The following PHYHD1 variants were observed in gnomAD, a reference collection of about 807,000 sequenced individuals.
PHYHD1 encodes phytanoyl-CoA dioxygenase domain-containing protein 1.
In PHYHD1, 42 loss-of-function variants were observed where a neutral mutation model predicts 43.6. The observed-to-expected ratio is 0.96, with a 90% CI of 0.75 to 1.25. PHYHD1 has a LOEUF of 1.25. Among genes scored for constraint, PHYHD1 ranks in the 50% most tolerant of loss-of-function variants. PHYHD1 has a pLI of 0.00. For synonymous variants in PHYHD1, 139 were observed against 143.6 expected, an observed-to-expected ratio of 0.97 and a Z score of 0.23; for missense variants, 342 against 370.8, an observed-to-expected ratio of 0.92 and a Z score of 0.64.
chr9:128,932,792 G>C lies in PHYHD1; in HGVS notation c.193-990G>C, dbSNP rs373875577. ...TGGGATTACAGGTGTGAGCCACAGTGCCTGGTTGGTCAGTTCTATTATTAT... is the reference window on the plus strand; with the variant it reads ...TGGGATTACAGGTGTGAGCCACAGTCCCTGGTTGGTCAGTTCTATTATTAT... On this transcript the variant is annotated intron_variant, in intron 4 of 12. Coordinates refer to ENST00000372592, the MANE Select transcript of PHYHD1 (RefSeq NM_001100876.2). Among the ~76,000 whole-genome samples, 32 of 147,660 alleles carry C rather than the reference G, an allele frequency of 2.2e-4. No homozygotes were observed. The East Asian group carries it at 5.9e-3, about 27-fold the overall frequency.
intron 2 of PHYHD1, 111 bp from the exon 3 acceptor site, chr9:128,922,172 G>A: frequency 2.5e-6 from 2 of 813,050 alleles, no homozygotes; most frequent in South Asian, 3.4e-5. Context: ...GGAGGTCACA[G>A]GCTGATCTGG....
At chr9:128,924,192 G>T (rs550736465) in intron 3 of PHYHD1, among the ~76,000 whole-genome samples, 1 of 152,004 alleles carries the variant, frequency 6.6e-6, no homozygotes, top group Admixed American at 6.6e-5. Flanking sequence ...CGAAGTGGGC[G>T]GATCACAAGG....
At chr9:128,921,729 T>C (rs1698830670) in intron 1 of PHYHD1, 61 bp downstream of exon 1, 1 of 152,350 alleles carries the variant, frequency 6.6e-6, no homozygotes, top group Admixed American at 6.5e-5. Flanking sequence ...ATACCCCATG[T>C]CTCCTACTTT....
Position 128,937,770 on chromosome 9 carries a change from G to A in PHYHD1, c.449G>A (p.Gly150Asp). The A allele has an allele frequency of 1.2e-6, 2 of 1,614,036 alleles. No individual in the cohort carries two copies. The highest frequency in any genetic ancestry group is 1.7e-6 in the Non-Finnish European group (2 of 1,180,020). The change falls in exon 9 of 13, where the codon GGC becomes GAC. Residue 150 changes from glycine to aspartate, a missense_variant. Coordinates refer to ENST00000372592, the MANE Select transcript of PHYHD1 (RefSeq NM_001100876.2). ...TCTCTCTTGCAGCAACCTCACTTTG[G>A]CGGTGAAGGTGAGCTGAGAGCTGTG... Reference protein sequence around the residue: ...SMYIFKQPHFGGEVSPHQDAS... With the variant: ...SMYIFKQPHFDGEVSPHQDAS...
intron 6 of PHYHD1, among the ~76,000 whole-genome samples, chr9:128,935,711 G>A (rs1841408738): frequency 6.6e-6 from 1 of 152,172 alleles, no homozygotes; most frequent in South Asian, 2.1e-4. Context: ...AGACCAGCCT[G>A]GCCAATATGG....
intron 12 of PHYHD1, 36 bp downstream of exon 12, chr9:128,941,607 C>A: frequency 6.2e-7 from 1 of 1,614,132 alleles, no homozygotes; most frequent in Non-Finnish European, 8.5e-7. Flanking sequence ...CCCGACAGTC[C>A]CCTGGAGGCT....
chr9:128,922,290 C>G lies in PHYHD1; in HGVS notation c.-34C>G, dbSNP rs1352099338. The stretch of plus-strand genomic sequence containing the variant: ...CTTTCTCCTCCCCACCAGGAGGCCG[C>G]GCTTAGAAGCCGCCCAGTGCCCTGA... On this transcript the variant is annotated 5_prime_UTR_variant, in exon 3 of 13. Transcript: ENST00000372592. 4 of 1,550,584 alleles carry G rather than the reference C, an allele frequency of 2.6e-6. No individual in the cohort carries two copies. The highest frequency in any genetic ancestry group is 2.0e-5 in the Admixed American group (1 of 50,862).
chr9:128,926,819 G>C (rs1166620453), intron 3 of PHYHD1: 2 of 655,244 alleles, frequency 3.1e-6, no homozygotes, highest in South Asian at 1.5e-5. Flanking sequence ...GCTGGGATTA[G>C]AGGCATGAGC....
In PHYHD1 at chr9:128,941,737, TCG is replaced by T. The variant is rs1841569452; in HGVS notation, c.*26_*27del. On this transcript the variant is annotated 3_prime_UTR_variant, in exon 13 of 13. Coordinates refer to ENST00000372592, the MANE Select transcript of PHYHD1 (RefSeq NM_001100876.2). ...AAAGGCTCTCGCAGGGCAGGAGCCC[TCG>T]CCCCTCCCGGGTGAAGCTGTGGGCT... 6.2e-7 allele frequency: 1 copy of T among 1,614,112 alleles called. No homozygotes were observed. Among genetic ancestry groups the T allele is most frequent in the African/African-American group, 1.3e-5 (1 of 75,046 alleles).
At position 128,927,370 on chromosome 9, in the gene PHYHD1, CT is replaced by C. The variant is rs113428118; in HGVS notation, c.192+185del. On this transcript the variant is annotated intron_variant, in intron 4 of 12. Transcript: ENST00000372592. ...AAGTTATCAAGTAGGCTTTATTGTCCTTTTTTTTTTTCTTTTTTCTTTTAAA... is the reference window on the plus strand; with the variant it reads ...AAGTTATCAAGTAGGCTTTATTGTCCTTTTTTTTTTCTTTTTTCTTTTAAA... 1.8e-3 allele frequency among the ~76,000 whole-genome samples: 270 copies of C among 146,914 alleles called. 2 individuals carry two copies. The highest frequency in any genetic ancestry group is 4.8e-3 in the South Asian group (22 of 4,576).
intron 4 of PHYHD1, among the ~76,000 whole-genome samples, chr9:128,929,260 G>A (rs991952636): frequency 6.6e-6 from 1 of 151,980 alleles, no homozygotes; most frequent in South Asian, 2.1e-4. Context: ...GGGGCCAGGA[G>A]GTTGAGGCTG....
chr9:128,921,906 A>T (rs1841007703), intron 1 of PHYHD1, 24 bp from the exon 2 acceptor site: 1 of 189,660 alleles, frequency 5.3e-6, no homozygotes, highest in Admixed American at 6.2e-5. Flanking sequence ...CCCCCAGACC[A>T]ACCCTGCATC....
chr9:128,933,699 C>T (rs748101845), intron 4 of PHYHD1, 83 bp from the exon 5 acceptor site: 1 of 1,442,554 alleles, frequency 6.9e-7, no homozygotes, highest in African/African-American at 1.4e-5. Flanking sequence ...GGGTGGGAAG[C>T]TTCTGAATCC....
At chr9:128,924,139 G>A (rs879550891) in intron 3 of PHYHD1, among the ~76,000 whole-genome samples, 5 of 150,878 alleles carry the variant, frequency 3.3e-5, no homozygotes, top group African/African-American at 1.2e-4. Flanking sequence ...TAAACAGGCC[G>A]GGCGCAGTGG....
intron 6 of PHYHD1, among the ~76,000 whole-genome samples, chr9:128,934,825 A>T (rs1462760486): frequency 6.6e-6 from 1 of 151,770 alleles, no homozygotes; most frequent in Non-Finnish European, 1.5e-5. Flanking sequence ...TGGTCGGGTA[A>T]ATGGCATTTG....
intron 4 of PHYHD1, 98 bp from the exon 5 acceptor site, chr9:128,933,684 T>A (rs1223953819): frequency 7.6e-7 from 1 of 1,311,088 alleles, no homozygotes; most frequent in Non-Finnish European, 1.1e-6. Flanking sequence ...TCTGTAACCC[T>A]GTGAGGGTGG....
chr9:128,939,755 A>G (rs1343814415), intron 9 of PHYHD1, among the ~76,000 whole-genome samples: 1 of 118,438 alleles, frequency 8.4e-6, no homozygotes, highest in South Asian at 2.9e-4. Flanking sequence ...CCCGAGTTCA[A>G]GCAATTCTTC....
At chr9:128,941,606 C>T (rs1405776808) in intron 12 of PHYHD1, 35 bp downstream of exon 12, 1 of 1,614,154 alleles carries the variant, frequency 6.2e-7, no homozygotes, top group Non-Finnish European at 8.5e-7. Context: ...GCCCGACAGT[C>T]CCCTGGAGGC....
At chr9:128,939,797 G>A (rs1841511131) in intron 9 of PHYHD1, among the ~76,000 whole-genome samples, 1 of 121,852 alleles carries the variant, frequency 8.2e-6, no homozygotes, top group African/African-American at 2.6e-5. Context: ...TGGGATTACA[G>A]GCGCCTGCCA....
Sources: allele counts gnomAD v4.1 joint callset (sites outside exome capture counted in the v4.1 genomes callset), GRCh38; gene constraint gnomAD v4.1.1; transcripts MANE v1.5; gene names NCBI Gene and HGNC (gene_info 2026-07-23, HGNC 2026-07-21).